Variants in CALD1 observed in about 807,000 individuals in gnomAD.
CALD1 encodes caldesmon.
Under a neutral mutation model 99.9 loss-of-function variants are expected in CALD1, and 33 were observed. The observed-to-expected ratio is 0.33, with a 90% CI of 0.25 to 0.44. CALD1 has a LOEUF of 0.44. Among genes scored for constraint, CALD1 ranks in the 20% least tolerant of loss-of-function variants. The probability of loss-of-function intolerance (pLI) is 1.00; values close to 1 mark genes in which losing one functional copy is unlikely to be tolerated. For missense variants in CALD1, 861 were observed against 962.1 expected (o/e 0.89, Z 1.39); for synonymous variants, 310 against 325.0 (o/e 0.95, Z 0.50).
Position 134,958,102 on chromosome 7 carries a change from G to C in CALD1, c.1969G>C (p.Val657Leu). The C allele has an allele frequency of 6.2e-7, 1 of 1,610,514 alleles. No individual in the cohort carries two copies. The highest frequency in any genetic ancestry group is 8.5e-7 in the Non-Finnish European group (1 of 1,177,920). The change falls in exon 10 of 15, where the codon GTG becomes CTG. Residue 657 changes from valine (V) to leucine (L), a missense_variant. This residue lies in a region of CALD1 where 190 missense variants were observed against 249.0 expected (regional missense o/e 0.76). Transcript: ENST00000361675. ...GCGAGCAGAATTTTTGAATAAGTCT[G>C]TGCAGAAAAGGTAAATATGCTTGAT... ...EERAEFLNKS[V>L]QKSSGVKSTH...
chr7:134,849,743 G>A (rs1167645933), intron 2 of CALD1, among the ~76,000 whole-genome samples: 1 of 152,190 alleles, frequency 6.6e-6, no homozygotes, highest in Non-Finnish European at 1.5e-5. Flanking sequence ...AAATGCTCAT[G>A]AGAATCAAAG....
chr7:134,718,317 A>G, the CALD1 span, among the ~76,000 whole-genome samples: 3 of 152,194 alleles, frequency 2.0e-5, no homozygotes, highest in Non-Finnish European at 4.4e-5. Context: ...CTATCCACTC[A>G]TCAATCTTAT....
chr7:134,732,393 G>C, the CALD1 span, among the ~76,000 whole-genome samples: 1 of 152,210 alleles, frequency 6.6e-6, no homozygotes, highest in Admixed American at 6.5e-5. Context: ...ATAGTATTAA[G>C]AGGTGGGGGC....
In CALD1 at chr7:134,965,366, A is replaced by C; in HGVS notation, c.2356A>C (p.Lys786Gln). ...CCTCTGGGAAAAGCAATCTGTGGAT[A>C]AGGTCACTTCCCCCACTAAGGTAAT... ...RNLWEKQSVD[K>Q]VTSPTKV The change falls in exon 14 of 15, where the codon AAG (lysine) becomes CAG (glutamine). Residue 786 changes from lysine to glutamine, a missense_variant. Transcript: ENST00000361675. 6.4e-7 allele frequency: 1 copy of C among 1,556,096 alleles called. No individual in the cohort carries two copies. The highest frequency in any genetic ancestry group is 8.9e-7 in the Non-Finnish European group (1 of 1,126,936).
chr7:134,937,848 G>A (rs934651540), intron 6 of CALD1, among the ~76,000 whole-genome samples: 1 of 152,178 alleles, frequency 6.6e-6, no homozygotes, highest in Admixed American at 6.5e-5. Context: ...ATGAGTTGCA[G>A]ACGATCACCA....
chr7:134,937,391 C>T (rs574236464), intron 6 of CALD1, among the ~76,000 whole-genome samples: 1 of 152,166 alleles, frequency 6.6e-6, no homozygotes, highest in East Asian at 1.9e-4. Flanking sequence ...CAGCCAGTTC[C>T]AAAACTTTTG....
intron 1 of CALD1, among the ~76,000 whole-genome samples, chr7:134,786,215 T>A (rs993822254): frequency 6.6e-6 from 1 of 152,222 alleles, no homozygotes; most frequent in African/African-American, 2.4e-5. Context: ...CAGCAAGTGC[T>A]TTTGGCAAGC....
chr7:134,733,590 T>A, the CALD1 span, among the ~76,000 whole-genome samples: 1 of 151,958 alleles, frequency 6.6e-6, no homozygotes, highest in African/African-American at 2.4e-5. Context: ...GGGCGGATCA[T>A]GAGGTCAGGA....
intron 9 of CALD1, among the ~76,000 whole-genome samples, chr7:134,954,147 T>A (rs1009941086): frequency 6.6e-6 from 1 of 152,218 alleles, no homozygotes; most frequent in African/African-American, 2.4e-5. Context: ...ACTGTATTTT[T>A]AAAAAATATC....
intron 1 of CALD1, among the ~76,000 whole-genome samples, chr7:134,746,259 A>G (rs1389046761): frequency 6.6e-6 from 1 of 152,222 alleles, no homozygotes; most frequent in East Asian, 1.9e-4. Flanking sequence ...GGCTGAAGAG[A>G]GACACCCCTT....
chr7:134,849,190 T>C (rs1799975492), intron 2 of CALD1, among the ~76,000 whole-genome samples: 1 of 152,216 alleles, frequency 6.6e-6, no homozygotes, highest in South Asian at 2.1e-4. Flanking sequence ...TATCACACTT[T>C]ATTATGCGGT....
chr7:134,874,327 C>A (rs1801246242), intron 3 of CALD1, among the ~76,000 whole-genome samples: 2 of 151,764 alleles, frequency 1.3e-5, no homozygotes, highest in African/African-American at 4.8e-5. Flanking sequence ...CGAGTAGGCA[C>A]ACGCCACCAC....
chr7:134,805,726 A>G (rs188981873), intron 1 of CALD1, among the ~76,000 whole-genome samples: 352 of 152,272 alleles, frequency 2.3e-3, no homozygotes, highest in Non-Finnish European at 1.6e-3. Context: ...TTCCCATGGC[A>G]ATCTCCAAAT....
intron 2 of CALD1, among the ~76,000 whole-genome samples, chr7:134,847,517 G>A (rs1351471438): frequency 6.6e-6 from 1 of 152,182 alleles, no homozygotes; most frequent in Non-Finnish European, 1.5e-5. Flanking sequence ...TCCACAATGA[G>A]CCTGGGCATA....
chr7:134,811,990 A>G (rs573917084), intron 1 of CALD1, among the ~76,000 whole-genome samples: 17 of 152,204 alleles, frequency 1.1e-4, no homozygotes, highest in Non-Finnish European at 2.2e-4. Flanking sequence ...CAAAACAGAG[A>G]GATAGCACTG....
At chr7:134,743,573 A>G (rs1796608740), upstream of CALD1, among the ~76,000 whole-genome samples, 1 of 152,194 alleles carries the variant, frequency 6.6e-6, no homozygotes, top group Admixed American at 6.5e-5. Flanking sequence ...CATCTCTTTC[A>G]AAGTGGAGAT....
chr7:134,929,451 T>C (rs942613203), intron 4 of CALD1, among the ~76,000 whole-genome samples: 4 of 150,888 alleles, frequency 2.7e-5, no homozygotes, highest in Non-Finnish European at 5.9e-5. Flanking sequence ...TACCTTTGCA[T>C]CCTCATAGCT....
intron 1 of CALD1, among the ~76,000 whole-genome samples, chr7:134,749,827 TA>T (rs1320501896): frequency 6.6e-6 from 1 of 152,146 alleles, no homozygotes; most frequent in Non-Finnish European, 1.5e-5. Flanking sequence ...TATATTTCTG[TA>T]ATTTAATTTA....
intron 1 of CALD1, among the ~76,000 whole-genome samples, chr7:134,841,627 C>T (rs1799653833): frequency 6.6e-6 from 1 of 152,226 alleles, no homozygotes; most frequent in South Asian, 2.1e-4. Context: ...GAACCTCCAT[C>T]CCTCTGGGCA....
Sources: gnomAD v4.1 joint callset for allele counts (sites outside exome capture counted in the v4.1 genomes callset) on GRCh38, gnomAD v4.1.1 for gene constraint, gnomAD v4.1.1 regional missense constraint, MANE v1.5 for transcripts, NCBI Gene and HGNC (gene_info 2026-07-23, HGNC 2026-07-21) for gene names.